Variants in KIAA0825 observed in about 807,000 individuals in gnomAD.
The protein encoded by KIAA0825 is uncharacterized protein KIAA0825.
KIAA0825 carries 119 observed loss-of-function variants against 147.6 expected under a neutral mutation model. The ratio of observed to expected loss-of-function variants is 0.81; its 90% CI spans 0.69 to 0.94. The LOEUF (loss-of-function observed/expected upper bound fraction) is 0.94. Among genes scored for constraint, KIAA0825 ranks in the 40% least tolerant of loss-of-function variants. The pLI is 0.00. For synonymous variants in KIAA0825, 470 were observed against 518.1 expected (o/e 0.91, Z 1.26); for missense variants, 1,381 against 1,472.7 (o/e 0.94, Z 1.02).
intron 16 of KIAA0825, among the ~76,000 whole-genome samples, chr5:94,400,566 C>T (rs1489109992): frequency 3.3e-5 from 5 of 151,974 alleles, no homozygotes; most frequent in Non-Finnish European, 5.9e-5. Flanking sequence ...GACAATTACT[C>T]CAAAAGTTTT....
chr5:94,390,446 G>C (rs184790908), intron 18 of KIAA0825, among the ~76,000 whole-genome samples: 339 of 152,308 alleles, frequency 2.2e-3, no homozygotes, highest in South Asian at 4.4e-3. Context: ...TTCCCAGATA[G>C]AAACCCTAAG....
chr5:94,239,704 T>C (rs1168451881), intron 20 of KIAA0825, among the ~76,000 whole-genome samples: 1 of 152,206 alleles, frequency 6.6e-6, no homozygotes, highest in Non-Finnish European at 1.5e-5. Context: ...AGTGCTATTG[T>C]CTGTTTCCTG....
intron 20 of KIAA0825, 68 bp from the exon 21 acceptor site, chr5:94,154,192 A>C: frequency 2.1e-6 from 2 of 942,812 alleles, no homozygotes; most frequent in Non-Finnish European, 3.4e-6. Context: ...CAGTTAATCA[A>C]GTCTTGAATA....
At position 94,354,017 on chromosome 5, in the gene KIAA0825, A is replaced by T. The variant is rs181339777; in HGVS notation, c.3710+30351T>A. On this transcript the variant is annotated intron_variant, in intron 20 of 20. Transcript: ENST00000682413. ...TGATATAATTTTTAGTAATACAGCA[A>T]ATTCTCAGTGTACAATGTTCATTCT... 1.4e-3 allele frequency among the ~76,000 whole-genome samples: 215 copies of T among 152,278 alleles called. 1 individual carries two copies. Among genetic ancestry groups the T allele is most frequent in the African/African-American group, 4.8e-3 (200 of 41,560 alleles).
chr5:94,578,636 A>C (rs959699619), intron 2 of KIAA0825, among the ~76,000 whole-genome samples: 1 of 152,186 alleles, frequency 6.6e-6, no homozygotes, highest in Non-Finnish European at 1.5e-5. Flanking sequence ...GGAATTCCAA[A>C]ATTAGCATCA....
chr5:94,406,387 A>T (rs2150645218), intron 15 of KIAA0825, among the ~76,000 whole-genome samples: 1 of 152,322 alleles, frequency 6.6e-6, no homozygotes, highest in South Asian at 2.1e-4. Context: ...CTATGTAGTA[A>T]TATATGAATT....
chr5:94,268,649 G>T (rs927578094), intron 20 of KIAA0825, among the ~76,000 whole-genome samples: 1 of 152,122 alleles, frequency 6.6e-6, no homozygotes, highest in Non-Finnish European at 1.5e-5. Flanking sequence ...ATGAGAAAAG[G>T]ATTACTGGTC....
intron 6 of KIAA0825, among the ~76,000 whole-genome samples, chr5:94,481,378 T>G (rs1156350942): frequency 1.3e-5 from 2 of 152,204 alleles, no homozygotes; most frequent in South Asian, 2.1e-4. Flanking sequence ...GTTCATAGGT[T>G]CCCATTGTAT....
intron 20 of KIAA0825, among the ~76,000 whole-genome samples, chr5:94,275,348 T>C (rs954886575): frequency 6.6e-6 from 1 of 152,146 alleles, no homozygotes; most frequent in Admixed American, 6.6e-5. Flanking sequence ...AAGGGTAGGA[T>C]CTATGCAACT....
chr5:94,260,843 G>C (rs1776456000), intron 20 of KIAA0825, among the ~76,000 whole-genome samples: 1 of 152,084 alleles, frequency 6.6e-6, no homozygotes, highest in Non-Finnish European at 1.5e-5. Context: ...ACAACAGCAA[G>C]AATTCGGTGA....
intron 20 of KIAA0825, among the ~76,000 whole-genome samples, chr5:94,251,201 G>T (rs1445194322): frequency 6.6e-6 from 1 of 152,026 alleles, no homozygotes; most frequent in African/African-American, 2.4e-5. Context: ...GCACACAAAG[G>T]AGTTCAGCAA....
At chr5:94,226,161 T>G (rs2150074352) in intron 20 of KIAA0825, among the ~76,000 whole-genome samples, 1 of 152,112 alleles carries the variant, frequency 6.6e-6, no homozygotes, top group Non-Finnish European at 1.5e-5. Flanking sequence ...TTAAACAAAT[T>G]TACAAGAACA....
At chr5:94,449,496 A>G (rs1288489848) in intron 13 of KIAA0825, among the ~76,000 whole-genome samples, 1 of 152,180 alleles carries the variant, frequency 6.6e-6, no homozygotes, top group Non-Finnish European at 1.5e-5. Context: ...GGAAATCATG[A>G]TCAAGACTGT....
intron 20 of KIAA0825, among the ~76,000 whole-genome samples, chr5:94,287,934 A>G (rs1584021206): frequency 1.3e-5 from 2 of 152,094 alleles, no homozygotes; most frequent in Non-Finnish European, 2.9e-5. Flanking sequence ...GGGCACTAGA[A>G]CAGCATTGGG....
chr5:94,425,556 C>G lies in KIAA0825; in HGVS notation c.2498-8191G>C, dbSNP rs144360833. Among the ~76,000 whole-genome samples, 16 of 152,126 alleles carry G rather than the reference C, an allele frequency of 1.1e-4. No homozygotes were observed. In the East Asian group the frequency reaches 2.9e-3, roughly 28 times the overall value. On this transcript the variant is annotated intron_variant, in intron 14 of 20. Transcript: ENST00000682413. ...GCATTCAAGACCAGACTGGGCAACACAGCAGGACCTCACCATTGCACTCTA... is the reference window on the plus strand; with the variant it reads ...GCATTCAAGACCAGACTGGGCAACAGAGCAGGACCTCACCATTGCACTCTA...
rs554250256 is a variant in KIAA0825, at chr5:94,465,992, C to T, written c.1873-933G>A. 2.6e-5 allele frequency among the ~76,000 whole-genome samples: 4 copies of T among 152,278 alleles called. No homozygotes were observed. In the South Asian group the frequency reaches 8.3e-4, roughly 32 times the overall value. ...TGAAATAGGAAGATTAGAATGCATT[C>T]CTCAAGCATTATCTTGATTATGTTA... is the stretch of plus-strand genomic sequence containing the variant. On this transcript the variant is annotated intron_variant, in intron 10 of 20. Transcript: ENST00000682413.
chr5:94,293,768 G>T (rs191300275), intron 20 of KIAA0825, among the ~76,000 whole-genome samples: 319 of 152,280 alleles, frequency 2.1e-3, no homozygotes, highest in African/African-American at 6.3e-3. Context: ...AGGTCTCTAA[G>T]AACTTGCTTT....
intron 20 of KIAA0825, among the ~76,000 whole-genome samples, chr5:94,313,123 T>TAGG (rs1230077038): frequency 3.3e-5 from 5 of 151,832 alleles, no homozygotes; most frequent in African/African-American, 1.2e-4. Flanking sequence ...TAAAATGTAT[T>TAGG]AGGAGTCTAC....
chr5:94,238,815 T>G (rs1775199669), intron 20 of KIAA0825, among the ~76,000 whole-genome samples: 1 of 152,072 alleles, frequency 6.6e-6, no homozygotes, highest in African/African-American at 2.4e-5. Context: ...ATTACATAGC[T>G]TAGGTAAGCA....
Sources: gnomAD v4.1 joint callset for allele counts (sites outside exome capture counted in the v4.1 genomes callset) on GRCh38, gnomAD v4.1.1 for gene constraint, MANE v1.5 for transcripts, NCBI Gene and HGNC (gene_info 2026-07-23, HGNC 2026-07-21) for gene names.